BRCA1: variants seen among roughly 807,000 people sequenced by gnomAD.
BRCA1 encodes BRCA1 DNA repair associated.
BRCA1 carries 140 observed loss-of-function variants against 173.7 expected under a neutral mutation model. That is an observed-to-expected ratio of 0.81 (90% CI 0.70 to 0.93). BRCA1 has a LOEUF of 0.93. Among genes scored for constraint, BRCA1 ranks in the 40% least tolerant of loss-of-function variants. The pLI is 0.00. For missense variants in BRCA1, 1,983 were observed against 2,172.5 expected (o/e 0.91, Z 1.73); for synonymous variants, 662 against 756.0 (o/e 0.88, Z 2.04).
intron 12 of BRCA1, among the ~76,000 whole-genome samples, chr17:43,080,127 T>C (rs1036107785): frequency 1.3e-5 from 2 of 152,304 alleles, no homozygotes; most frequent in South Asian, 2.1e-4. Flanking sequence ...TCTTAAATCA[T>C]TCCCTCATCT....
At position 43,050,063 on chromosome 17, in the gene BRCA1, T is replaced by C; in HGVS notation, c.5333-869A>G. The stretch of plus-strand genomic sequence containing the variant: ...TAAAGAGGATGGAAACAAAATTACA[T>C]TGCAGCCAGGTTTTCTTGCTGTCAC... On this transcript the variant is annotated intron_variant, in intron 20 of 22. Coordinates refer to ENST00000357654, the MANE Select transcript of BRCA1 (RefSeq NM_007294.4). The C allele has an allele frequency of 2.5e-6, 1 of 398,600 alleles. No homozygotes were observed. The highest frequency in any genetic ancestry group is 4.4e-6 in the Non-Finnish European group (1 of 226,060). The allele number at this position is 398,600 out of a possible 1,614,324, so 24.7% of individuals were successfully genotyped here. A position where few individuals can be genotyped will look rare whatever the true frequency, so the allele number is the denominator to read the frequency against.
intron 1 of BRCA1, chr17:43,138,499 TC>T: frequency 3.2e-6 from 2 of 632,216 alleles, no homozygotes; most frequent in Non-Finnish European, 5.7e-6. Context: ...CATGCCTTCT[TC>T]TTTTGCAAAG....
At position 43,095,897 on chromosome 17, in the gene BRCA1, T is replaced by C. The variant is rs2054115706; in HGVS notation, c.619A>G (p.Ile207Val). The change falls in exon 9 of 23, where the codon ATC becomes GTC. Residue 207 changes from isoleucine to valine, a missense_variant. By Grantham distance (29) the Ile-to-Val change is conservative. Coordinates refer to ENST00000357654, the MANE Select transcript of BRCA1 (RefSeq NM_007294.4). ...CSVGDQELLQ[I>V]TPQGTRDEIS... ...TCATCCCTGGTTCCTTGAGGGGTGA[T>C]TTGTAACAATTCTTGATCTCCCACA... The C allele has an allele frequency of 6.2e-7, 1 of 1,613,710 alleles. No individual in the cohort carries two copies. Among genetic ancestry groups the C allele is most frequent in the East Asian group, 2.2e-5 (1 of 44,854 alleles).
chr17:43,098,030 C>CTT lies in BRCA1; in HGVS notation c.548-743_548-742dup, dbSNP rs35771473. Among the ~76,000 whole-genome samples, 181 of 135,192 alleles carry CTT rather than the reference C, an allele frequency of 1.3e-3. 1 individual carries two copies. The highest frequency in any genetic ancestry group is 2.6e-3 in the South Asian group (11 of 4,258). The allele number at this position is 135,192 out of a possible 152,430, so 88.7% of individuals were successfully genotyped here. ...AGTTTGAATTCTGAGCTCAGCAGCT[C>CTT]TTTTTTTTTTTTTTTTGGAGGTCTT... On this transcript the variant is annotated intron_variant, in intron 7 of 22. Coordinates refer to ENST00000357654, the MANE Select transcript of BRCA1 (RefSeq NM_007294.4).
intron 1 of BRCA1, chr17:43,144,237 A>G: frequency 2.9e-6 from 1 of 340,946 alleles, no homozygotes; most frequent in Non-Finnish European, 6.0e-6. Context: ...AAAAAAATAA[A>G]GTGAATTTTC....
rs1261376173 is a variant in BRCA1, at chr17:43,044,680, G to A, written c.*998C>T. 5 of 506,940 alleles carry A rather than the reference G, an allele frequency of 9.9e-6. No individual in the cohort carries two copies. Among genetic ancestry groups the A allele is most frequent in the South Asian group, 7.7e-5 (5 of 64,802 alleles). The allele number at this position is 506,940 out of a possible 1,614,324, so 31.4% of individuals were successfully genotyped here. On this transcript the variant is annotated 3_prime_UTR_variant, in exon 23 of 23. Coordinates refer to ENST00000357654, the MANE Select transcript of BRCA1 (RefSeq NM_007294.4). ...AATAAACATTTTACTTATTACTAAT[G>A]AGGAATTAGAAGACTGTCTTTGGAA...
intron 9 of BRCA1, among the ~76,000 whole-genome samples, chr17:43,095,578 T>C (rs1239842848): frequency 1.4e-5 from 2 of 147,424 alleles, no homozygotes; most frequent in African/African-American, 2.5e-5. Context: ...TGAGACCCCA[T>C]CTCAAAAAAA....
At chr17:43,115,538 A>G (rs1006868182) in intron 3 of BRCA1, among the ~76,000 whole-genome samples, 188 bp downstream of exon 3, 1 of 151,962 alleles carries the variant, frequency 6.6e-6, no homozygotes, top group Non-Finnish European at 1.5e-5. Context: ...TCAAAACTTT[A>G]CCAGGAACTA....
intron 20 of BRCA1, chr17:43,049,915 A>T: frequency 1.0e-5 from 4 of 394,212 alleles, no homozygotes; most frequent in Middle Eastern, 1.3e-3. Context: ...ACGAAGGTTG[A>T]CTAACTCACC....
At chr17:43,049,740 AG>A (rs2051128868) in intron 20 of BRCA1, among the ~76,000 whole-genome samples, 1 of 152,212 alleles carries the variant, frequency 6.6e-6, no homozygotes, top group Non-Finnish European at 1.5e-5. Context: ...CCATATACTC[AG>A]GGGAATAAAA....
intron 19 of BRCA1, among the ~76,000 whole-genome samples, chr17:43,054,044 A>T (rs1473784585): frequency 6.6e-6 from 1 of 152,100 alleles, no homozygotes; most frequent in Non-Finnish European, 1.5e-5. Context: ...TACTATGGTG[A>T]CATTTAGTAT....
intron 1 of BRCA1, among the ~76,000 whole-genome samples, chr17:43,133,557 C>T (rs565095013): frequency 2.6e-5 from 4 of 152,146 alleles, no homozygotes; most frequent in East Asian, 3.9e-4. Context: ...GCCCTTCCTG[C>T]GCTGGCCTCC....
At chr17:43,134,772 C>T (rs187491757) in intron 1 of BRCA1, among the ~76,000 whole-genome samples, 4 of 152,240 alleles carry the variant, frequency 2.6e-5, no homozygotes, top group East Asian at 1.9e-4. Context: ...ACTGAAAGGG[C>T]GGCCCTCATA....
In BRCA1 at chr17:43,065,020, T is replaced by C. The variant is rs543090430; in HGVS notation, c.5075-1069A>G. 3.1e-4 allele frequency among the ~76,000 whole-genome samples: 47 copies of C among 151,970 alleles called. 1 individual carries two copies. Among genetic ancestry groups the C allele is most frequent in the South Asian group, 2.7e-3 (13 of 4,814 alleles). ...TAATTTTTTGTATTTTTACTAGAGA[T>C]GGGGTTTCACCGTGTTAGCCAGGAT... is the stretch of plus-strand genomic sequence containing the variant. On this transcript the variant is annotated intron_variant, in intron 16 of 22. Coordinates refer to ENST00000357654, the MANE Select transcript of BRCA1 (RefSeq NM_007294.4).
At chr17:43,060,902 G>T (rs551394520) in intron 18 of BRCA1, among the ~76,000 whole-genome samples, 81 of 151,882 alleles carry the variant, frequency 5.3e-4, no homozygotes, top group African/African-American at 1.9e-3. Flanking sequence ...GAGGTGGTTG[G>T]ATCACTTGAG....
chr17:43,053,206 G>A (rs909134528), intron 19 of BRCA1, among the ~76,000 whole-genome samples: 11 of 152,014 alleles, frequency 7.2e-5, no homozygotes, highest in African/African-American at 2.7e-4. Flanking sequence ...TGAATAAACC[G>A]CACCCCCAAC....
intron 3 of BRCA1, among the ~76,000 whole-genome samples, chr17:43,110,313 A>G (rs775459363): frequency 9.9e-5 from 15 of 152,200 alleles, no homozygotes; most frequent in Non-Finnish European, 2.9e-5. Flanking sequence ...CTGGCCAGGC[A>G]TGATGACTCA....
In BRCA1 at chr17:43,091,771, T is replaced by TA. The variant is rs80357687; in HGVS notation, c.3759dup (p.Lys1254Ter). ...GATAATAAATTCTCCTCTGTGTTCT[T>TA]AGACAGACACTCGGTAGCAACGGTG... On this transcript the variant is annotated frameshift_variant, in exon 10 of 23. Coordinates refer to ENST00000357654, the MANE Select transcript of BRCA1 (RefSeq NM_007294.4). LOFTEE classifies it high-confidence loss of function. The TA allele has an allele frequency of 6.2e-7, 1 of 1,614,118 alleles. No individual in the cohort carries two copies. The highest frequency in any genetic ancestry group is 8.5e-7 in the Non-Finnish European group (1 of 1,179,960).
At chr17:43,111,487 T>C (rs1181161565) in intron 3 of BRCA1, among the ~76,000 whole-genome samples, 1 of 151,482 alleles carries the variant, frequency 6.6e-6, no homozygotes, top group Non-Finnish European at 1.5e-5. Context: ...GCCACTGCAC[T>C]CCAGTCTGGG....
Sources: allele counts gnomAD v4.1 joint callset (sites outside exome capture counted in the v4.1 genomes callset), GRCh38; gene constraint gnomAD v4.1.1; transcripts MANE v1.5; gene names NCBI Gene and HGNC (gene_info 2026-07-23, HGNC 2026-07-21).